The following ZMIZ1 variants were observed in gnomAD, a reference collection of about 807,000 sequenced individuals.
The protein encoded by ZMIZ1 is zinc finger MIZ domain-containing protein 1.
Under a neutral mutation model 113.9 loss-of-function variants are expected in ZMIZ1, and 17 were observed. The ratio of observed to expected loss-of-function variants is 0.15; its 90% CI spans 0.10 to 0.22. The LOEUF is 0.22. Among genes scored for constraint, ZMIZ1 ranks in the 10% least tolerant of loss-of-function variants. The pLI is 1.00. For synonymous variants in ZMIZ1, 607 were observed against 603.1 expected (o/e 1.01, Z -0.09); for missense variants, 1,059 against 1,477.8 (o/e 0.72, Z 4.65).
At chr10:79,086,752 T>C (rs1842827576) in intron 1 of ZMIZ1, among the ~76,000 whole-genome samples, 3 of 152,194 alleles carry the variant, frequency 2.0e-5, no homozygotes, top group African/African-American at 7.2e-5. Context: ...ATTTATTTTT[T>C]ATTTTTTTAT....
intron 1 of ZMIZ1, among the ~76,000 whole-genome samples, chr10:79,076,008 T>C (rs1224274377): frequency 6.6e-6 from 1 of 152,124 alleles, no homozygotes; most frequent in African/African-American, 2.4e-5. Flanking sequence ...TCCTCTTAGC[T>C]CGGGAGCTTC....
chr10:79,286,481 C>CGT (rs1853086921), intron 8 of ZMIZ1, among the ~76,000 whole-genome samples: 1 of 152,234 alleles, frequency 6.6e-6, no homozygotes, highest in South Asian at 2.1e-4. Context: ...GCAGCAGGTG[C>CGT]GTGTGGAGGC....
At chr10:79,238,455 C>T (rs1001146909) in intron 7 of ZMIZ1, among the ~76,000 whole-genome samples, 1 of 152,212 alleles carries the variant, frequency 6.6e-6, no homozygotes, top group African/African-American at 2.4e-5. Flanking sequence ...CTGTCCCCCA[C>T]TCAGGTGGAG....
chr10:79,312,213 G>T (rs970968204), intron 24 of ZMIZ1, among the ~76,000 whole-genome samples: 2 of 152,250 alleles, frequency 1.3e-5, no homozygotes, highest in East Asian at 3.8e-4. Flanking sequence ...AGGGATGTTG[G>T]GGGGTTGGGG....
intron 1 of ZMIZ1, among the ~76,000 whole-genome samples, chr10:79,096,699 G>C (rs1456406866): frequency 1.3e-5 from 2 of 152,186 alleles, no homozygotes; most frequent in African/African-American, 2.4e-5. Context: ...AGACCTGGAT[G>C]TGGGGGCCTG....
At chr10:79,208,739 C>T (rs1848429590) in intron 6 of ZMIZ1, among the ~76,000 whole-genome samples, 1 of 152,222 alleles carries the variant, frequency 6.6e-6, no homozygotes, top group Non-Finnish European at 1.5e-5. Flanking sequence ...CCATCATAAG[C>T]ACAGTAGAGA....
chr10:79,173,843 G>A (rs1402090595), intron 4 of ZMIZ1, among the ~76,000 whole-genome samples: 3 of 152,144 alleles, frequency 2.0e-5, no homozygotes, highest in Non-Finnish European at 2.9e-5. Flanking sequence ...TGGGAGGTAG[G>A]ATTAGAATTT....
intron 11 of ZMIZ1, 91 bp from the exon 12 acceptor site, chr10:79,293,289 TC>T (rs1853636201): frequency 1.4e-6 from 2 of 1,423,996 alleles, no homozygotes; most frequent in Admixed American, 4.6e-5. Context: ...CTCCTCCACC[TC>T]CCCAACCCTT....
intron 1 of ZMIZ1, among the ~76,000 whole-genome samples, chr10:79,092,822 G>A (rs1301088654): frequency 1.3e-5 from 2 of 152,198 alleles, no homozygotes; most frequent in Admixed American, 1.3e-4. Flanking sequence ...TGGCAGAGGG[G>A]TGGTCAGGTA....
At chr10:79,297,539 A>G in intron 13 of ZMIZ1, 74 bp from the exon 14 acceptor site, 1 of 1,310,266 alleles carries the variant, frequency 7.6e-7, no homozygotes, top group Non-Finnish European at 1.1e-6. Context: ...GGTAGATTTT[A>G]CTGTCCAGAG....
chr10:79,254,132 T>G (rs1850729641), intron 7 of ZMIZ1, among the ~76,000 whole-genome samples: 1 of 152,246 alleles, frequency 6.6e-6, no homozygotes, highest in Non-Finnish European at 1.5e-5. Flanking sequence ...TAGGAGTGAT[T>G]GTTCCACTTC....
At chr10:79,093,389 G>A (rs979473412) in intron 1 of ZMIZ1, among the ~76,000 whole-genome samples, 4 of 151,406 alleles carry the variant, frequency 2.6e-5, no homozygotes, top group East Asian at 1.9e-4. Context: ...GTGCAGTAGC[G>A]TGATCTCAGC....
intron 1 of ZMIZ1, among the ~76,000 whole-genome samples, chr10:79,108,068 T>G (rs1843619768): frequency 6.6e-6 from 1 of 152,204 alleles, no homozygotes; most frequent in Non-Finnish European, 1.5e-5. Context: ...CAGGCTAGTG[T>G]TGACATCCCA....
intron 4 of ZMIZ1, among the ~76,000 whole-genome samples, chr10:79,187,435 C>A (rs1046834558): frequency 1.3e-5 from 2 of 152,248 alleles, no homozygotes; most frequent in Admixed American, 6.5e-5. Context: ...CTCTCTGGGC[C>A]TCAGGTTCCT....
intron 1 of ZMIZ1, among the ~76,000 whole-genome samples, chr10:79,104,950 G>GT (rs1554851328): frequency 7.1e-6 from 1 of 140,188 alleles, no homozygotes; most frequent in South Asian, 2.4e-4. Flanking sequence ...GTTGTTGTGG[G>GT]GTGTGTGTGT....
At chr10:79,298,778 C>T (rs954975700) in intron 15 of ZMIZ1, among the ~76,000 whole-genome samples, 198 bp downstream of exon 15, 4 of 152,202 alleles carry the variant, frequency 2.6e-5, no homozygotes, top group Non-Finnish European at 5.9e-5. Context: ...GCCTGGGCGC[C>T]TGGAGGCTGG....
chr10:79,262,813 C>G (rs1161312304), intron 7 of ZMIZ1, among the ~76,000 whole-genome samples: 1 of 152,210 alleles, frequency 6.6e-6, no homozygotes, highest in Non-Finnish European at 1.5e-5. Context: ...GGAGACCAGT[C>G]TGGTGTTTGG....
chr10:79,096,533 AAAG>A (rs1428001852), intron 1 of ZMIZ1, among the ~76,000 whole-genome samples: 23 of 151,164 alleles, frequency 1.5e-4, no homozygotes, highest in Non-Finnish European at 3.4e-4. Flanking sequence ...AAAGAAAAGA[AAAG>A]AAATGAGACG....
chr10:79,087,612 A>G (rs1842858094), intron 1 of ZMIZ1, among the ~76,000 whole-genome samples: 2 of 152,200 alleles, frequency 1.3e-5, no homozygotes, highest in Non-Finnish European at 2.9e-5. Flanking sequence ...GAACCTGAAT[A>G]AAAGGCACCC....
Sources: gnomAD v4.1 joint callset for allele counts (sites outside exome capture counted in the v4.1 genomes callset) on GRCh38, gnomAD v4.1.1 for gene constraint, MANE v1.5 for transcripts, NCBI Gene and HGNC (gene_info 2026-07-23, HGNC 2026-07-21) for gene names.